EIF4G3: variants seen among roughly 807,000 people sequenced by gnomAD.
EIF4G3 encodes eukaryotic translation initiation factor 4 gamma 3.
A neutral mutation model predicts 186.4 loss-of-function variants in EIF4G3; 34 were observed. That is an observed-to-expected ratio of 0.18 (90% confidence interval 0.14 to 0.24). EIF4G3 has a LOEUF of 0.24. EIF4G3 is among the 10% of genes least tolerant of loss of function. The pLI is 1.00. For synonymous variants in EIF4G3, 673 were observed against 679.5 expected (o/e 0.99, Z 0.15); for missense variants, 1,536 against 1,948.5 (o/e 0.79, Z 3.99).
intron 25 of EIF4G3, 71 bp from the exon 26 acceptor site, chr1:20,855,142 C>T: frequency 7.8e-7 from 1 of 1,281,004 alleles, no homozygotes; most frequent in African/African-American, 1.5e-5. Context: ...TTATTTTTTT[C>T]TTCTTCAGTG....
chr1:20,872,831 G>A (rs2079601447), intron 20 of EIF4G3, among the ~76,000 whole-genome samples: 1 of 145,952 alleles, frequency 6.9e-6, no homozygotes, highest in African/African-American at 2.5e-5. Flanking sequence ...CAATTCTCCT[G>A]CCTCAAGCAA....
chr1:21,027,193 ATTTT>A (rs34372978), intron 4 of EIF4G3, among the ~76,000 whole-genome samples: 1 of 132,196 alleles, frequency 7.6e-6, no homozygotes, highest in Non-Finnish European at 1.6e-5. Context: ...CACACATACA[ATTTT>A]TTTTTTTTTT....
intron 34 of EIF4G3, among the ~76,000 whole-genome samples, chr1:20,814,385 G>T (rs2059923388): frequency 6.6e-6 from 1 of 151,970 alleles, no homozygotes. Context: ...TACTTTTCAG[G>T]GTCCTTCCCA....
chr1:21,036,869 G>T (rs1400119306), intron 4 of EIF4G3, among the ~76,000 whole-genome samples: 1 of 152,072 alleles, frequency 6.6e-6, no homozygotes, highest in African/African-American at 2.4e-5. Context: ...GACAGAGTGA[G>T]ACTCCACCTC....
chr1:21,012,514 A>T lies in EIF4G3; in HGVS notation c.-66-9706T>A, dbSNP rs138474166. Among the ~76,000 whole-genome samples, 781 of 152,372 alleles carry T rather than the reference A, an allele frequency of 5.1e-3. 7 individuals carry two copies. Among genetic ancestry groups the T allele is most frequent in the African/African-American group, 0.018 (750 of 41,574 alleles). On this transcript the variant is annotated intron_variant, in intron 4 of 36. Coordinates refer to ENST00000602326, the MANE Select transcript of EIF4G3 (RefSeq NM_001391906.1). ...CCAAGATAACAGACTACGATGATCCAGGTCCACATCACCCAATGAAAACAC... is the reference window on the plus strand; with the variant it reads ...CCAAGATAACAGACTACGATGATCCTGGTCCACATCACCCAATGAAAACAC...
In EIF4G3 at chr1:20,981,053, G is replaced by A; in HGVS notation, c.373C>T (p.Pro125Ser). The part of the protein sequence containing the change: ...PVPQGPQYCI[P>S]QYRHSGPPYV... The stretch of plus-strand genomic sequence containing the variant: ...AGGCCTCAAAGATACTTTACCTGTG[G>A]TATACAGTACTGAGGCCCCTGGGGC... The change falls in exon 9 of 37, where the codon CCA becomes TCA. Residue 125 changes from proline (P) to serine (S), a missense_variant. Transcript: ENST00000602326. The A allele has an allele frequency of 2.5e-6, 4 of 1,592,414 alleles. No individual in the cohort carries two copies. The highest frequency in any genetic ancestry group is 3.4e-6 in the Non-Finnish European group (4 of 1,168,132).
At chr1:21,037,505 G>C (rs1190552558) in intron 4 of EIF4G3, among the ~76,000 whole-genome samples, 1 of 152,154 alleles carries the variant, frequency 6.6e-6, no homozygotes, top group Non-Finnish European at 1.5e-5. Context: ...AATCAGAAGA[G>C]TCAATTACAT....
At chr1:20,898,132 A>T (rs980924447) in intron 16 of EIF4G3, among the ~76,000 whole-genome samples, 34 of 152,042 alleles carry the variant, frequency 2.2e-4, no homozygotes, top group South Asian at 1.5e-3. Flanking sequence ...GGGTTTTTTT[A>T]AAAAAAGTTT....
chr1:20,810,619 G>A lies in EIF4G3; in HGVS notation c.4744+119C>T, dbSNP rs2059057093. On this transcript the variant is annotated intron_variant, in intron 36 of 36. Coordinates refer to ENST00000602326, the MANE Select transcript of EIF4G3 (RefSeq NM_001391906.1). The surrounding 1 kb of genome is among the most constrained non-coding windows in gnomAD (Gnocchi z 4.1). ...AAATTTATTAAAGTTAGTTATATGA[G>A]TTTGTGTTATTAGTGATTCTTTTAT... 8.3e-7 allele frequency: 1 copy of A among 1,206,812 alleles called. No homozygotes were observed. The highest frequency in any genetic ancestry group is 1.2e-6 in the Non-Finnish European group (1 of 851,114). 74.8% of individuals were successfully genotyped at this position (1,206,812 alleles called of 1,614,324 possible).
At chr1:21,095,757 T>C (rs1380834560) in intron 2 of EIF4G3, among the ~76,000 whole-genome samples, 1 of 151,968 alleles carries the variant, frequency 6.6e-6, no homozygotes, top group Non-Finnish European at 1.5e-5. Flanking sequence ...TTTTTAAGTT[T>C]ACCCAGAAAC....
Position 20,817,388 on chromosome 1 carries a change from A to G in EIF4G3, c.4515+4T>C, listed in dbSNP as rs373501966. Reference sequence around the variant, plus strand: ...TATCAGGGAAGGTGACATAGTCTTTATACCTCTACCCAGTCAAAGATCTGT... The same window carrying G: ...TATCAGGGAAGGTGACATAGTCTTTGTACCTCTACCCAGTCAAAGATCTGT... On this transcript the variant is annotated splice_donor_region_variant and intron_variant, in intron 34 of 36. Transcript: ENST00000602326. The G allele has an allele frequency of 8.3e-5, 130 of 1,568,038 alleles. No individual in the cohort carries two copies. The African/African-American group carries it at 1.6e-3, about 19-fold the overall frequency.
chr1:21,080,244 A>G (rs2095727018), intron 3 of EIF4G3, among the ~76,000 whole-genome samples: 1 of 126,886 alleles, frequency 7.9e-6, no homozygotes, highest in African/African-American at 2.7e-5. Context: ...TGAGCCCAGG[A>G]GTTTAAGGCT....
rs1245479273 is a variant in EIF4G3, at chr1:20,941,160, C to T, written c.1663+331G>A. ...CCATCCTGGTTTTTTGTTTTCTAGC[C>T]CCAAAGCAGCAAAATTAAGCATTGA... On this transcript the variant is annotated intron_variant, in intron 14 of 36. Coordinates refer to ENST00000602326, the MANE Select transcript of EIF4G3 (RefSeq NM_001391906.1). 2.1e-6 allele frequency: 3 copies of T among 1,440,962 alleles called. No homozygotes were observed. In the East Asian group the frequency reaches 7.6e-5, roughly 37 times the overall value. The allele number at this position is 1,440,962 out of a possible 1,614,324, so 89.3% of individuals were successfully genotyped here.
intron 7 of EIF4G3, 40 bp from the exon 8 acceptor site, chr1:20,982,448 A>G (rs1045921517): frequency 1.3e-6 from 2 of 1,512,238 alleles, no homozygotes; most frequent in African/African-American, 2.8e-5. Context: ...AAACAGAAAG[A>G]AAGCCAATGG....
chr1:20,939,474 T>C (rs1230118477), intron 14 of EIF4G3, among the ~76,000 whole-genome samples: 1 of 152,216 alleles, frequency 6.6e-6, no homozygotes, highest in Non-Finnish European at 1.5e-5. Flanking sequence ...ACCAAAATTC[T>C]GTTTGCCCAT....
chr1:21,082,620 C>G (rs943228813), intron 3 of EIF4G3, among the ~76,000 whole-genome samples: 1 of 151,760 alleles, frequency 6.6e-6, no homozygotes. Flanking sequence ...AAGGGGAAAC[C>G]GGCAGGATGC....
rs1433968176 is a variant in EIF4G3, at chr1:21,129,386, G to A, written c.-271-40173C>T. Reference sequence around the variant, plus strand: ...AGTGTGGACTGGCATATCAGTTTCCGAAGTGAATGCCCAGACACAATGCAC... The same window carrying A: ...AGTGTGGACTGGCATATCAGTTTCCAAAGTGAATGCCCAGACACAATGCAC... On this transcript the variant is annotated intron_variant, in intron 2 of 36. Coordinates refer to ENST00000602326, the MANE Select transcript of EIF4G3 (RefSeq NM_001391906.1). Among the ~76,000 whole-genome samples the A allele has an allele frequency of 4.0e-5, 6 of 151,858 alleles. No individual in the cohort carries two copies. In the South Asian group the frequency reaches 1.2e-3, roughly 32 times the overall value.
rs374305041 is a variant in EIF4G3, at chr1:20,973,950, C to T, written c.494-851G>A. On this transcript the variant is annotated intron_variant, in intron 10 of 36. Coordinates refer to ENST00000602326, the MANE Select transcript of EIF4G3 (RefSeq NM_001391906.1). ...AATACTGGATGGTTTGAGGGTAGAG[C>T]CTATAGATTTGCTGATGAATTGGAT... Among the ~76,000 whole-genome samples, 94 of 152,126 alleles carry T rather than the reference C, an allele frequency of 6.2e-4. 1 individual carries two copies. The South Asian group carries it at 0.019, about 30-fold the overall frequency.
Position 20,876,442 on chromosome 1 carries a change from GT to G in EIF4G3, c.2622+2880del, listed in dbSNP as rs1192682369. Among the ~76,000 whole-genome samples, 8 of 91,742 alleles carry G rather than the reference GT, an allele frequency of 8.7e-5. No homozygotes were observed. The East Asian group carries it at 2.1e-3, about 24-fold the overall frequency. 60.2% of individuals were successfully genotyped at this position (91,742 alleles called of 152,430 possible). On this transcript the variant is annotated intron_variant, in intron 20 of 36. Transcript: ENST00000602326. ...GACGGCTGCCCAAAACATTTATTAA[GT>G]AAAAAAAAAAAAAAAAACAAACTGA...
Sources: gnomAD v4.1 joint callset for allele counts (sites outside exome capture counted in the v4.1 genomes callset) on GRCh38, gnomAD v4.1.1 for gene constraint, Gnocchi (gnomAD v3.1) non-coding constraint, MANE v1.5 for transcripts, NCBI Gene and HGNC (gene_info 2026-07-23, HGNC 2026-07-21) for gene names.